The following SPATA13 variants were observed in gnomAD, a reference collection of about 807,000 sequenced individuals.
The protein encoded by SPATA13 is spermatogenesis associated 13, also known as spermatogenesis-associated protein 13.
Under a neutral mutation model 104.0 loss-of-function variants are expected in SPATA13, and 50 were observed. The ratio of observed to expected loss-of-function variants is 0.48; its 90% confidence interval spans 0.38 to 0.61. SPATA13 has a LOEUF of 0.61. SPATA13 is among the 20% of genes least tolerant of loss of function. The probability of loss-of-function intolerance (pLI) is 0.00; values close to 1 mark genes in which losing one functional copy is unlikely to be tolerated. For missense variants in SPATA13, 1,524 were observed against 1,690.6 expected (o/e 0.90, Z 1.73); for synonymous variants, 606 against 667.5 (o/e 0.91, Z 1.42).
At chr13:23,995,038 A>G (rs1021501130) in intron 2 of SPATA13, among the ~76,000 whole-genome samples, 1 of 152,132 alleles carries the variant, frequency 6.6e-6, no homozygotes, top group African/African-American at 2.4e-5. Context: ...CCTGACGTCT[A>G]GTGGGTAGAG....
intron 3 of SPATA13, among the ~76,000 whole-genome samples, chr13:24,117,312 CA>C (rs1345189388): frequency 6.6e-6 from 1 of 152,090 alleles, no homozygotes; most frequent in Non-Finnish European, 1.5e-5. Flanking sequence ...AATTAGCCGT[CA>C]CTGATTGGGC....
chr13:24,251,502 T>C, intron 3 of SPATA13: 1 of 985,462 alleles, frequency 1.0e-6, no homozygotes, highest in Non-Finnish European at 1.2e-6. Flanking sequence ...AACATGAGGC[T>C]GCAGGGTGCG....
chr13:24,192,729 G>T (rs1869833384), intron 1 of SPATA13, among the ~76,000 whole-genome samples: 2 of 152,128 alleles, frequency 1.3e-5, no homozygotes, highest in African/African-American at 4.8e-5. Context: ...GGCTGTTGGA[G>T]AAGCAGAGAG....
At chr13:24,247,791 ACTT>A (rs1232337194) in intron 2 of SPATA13, among the ~76,000 whole-genome samples, 1 of 151,936 alleles carries the variant, frequency 6.6e-6, no homozygotes, top group Non-Finnish European at 1.5e-5. Context: ...CTCTGCATCC[ACTT>A]CTTCATGGCA....
intron 4 of SPATA13, chr13:24,272,653 C>A (rs1566183837): frequency 2.0e-5 from 3 of 152,154 alleles, no homozygotes; most frequent in Admixed American, 1.3e-4. Context: ...GCTGTCCTGT[C>A]CTGTTCTCCT....
intron 2 of SPATA13, among the ~76,000 whole-genome samples, chr13:24,016,561 A>G (rs1383232067): frequency 6.6e-6 from 1 of 152,094 alleles, no homozygotes; most frequent in Admixed American, 6.5e-5. Flanking sequence ...CGCTGGGTTC[A>G]CCTTGACCTC....
intron 3 of SPATA13, among the ~76,000 whole-genome samples, chr13:24,067,477 G>A (rs945841120): frequency 3.3e-5 from 5 of 152,058 alleles, no homozygotes; most frequent in South Asian, 2.1e-4. Context: ...CCAAGCCCAC[G>A]TTTTTGTATA....
At chr13:24,085,448 A>C (rs1879686265) in intron 3 of SPATA13, among the ~76,000 whole-genome samples, 1 of 152,144 alleles carries the variant, frequency 6.6e-6, no homozygotes, top group African/African-American at 2.4e-5. Flanking sequence ...TTTAATAAGC[A>C]ACATTGGCCA....
chr13:24,222,748 C>T lies in SPATA13; in HGVS notation c.-111-71C>T, dbSNP rs570074723. 5 of 1,359,010 alleles carry T rather than the reference C, an allele frequency of 3.7e-6. No individual in the cohort carries two copies. In the African/African-American group the frequency reaches 7.3e-5, roughly 20 times the overall value. The allele number at this position is 1,359,010 out of a possible 1,614,324, so 84.2% of individuals were successfully genotyped here. A position where few individuals can be genotyped will look rare whatever the true frequency, so the allele number is the denominator to read the frequency against. On this transcript the variant is annotated intron_variant, in intron 1 of 12. Coordinates refer to ENST00000382108, the MANE Select transcript of SPATA13 (RefSeq NM_001166271.3). Reference sequence around the variant, plus strand: ...TGACCAGCCCTGTGCTGGAGCGTGCCTCTTCTTCTGTGAGCAGAGGGGCTA... The same window carrying T: ...TGACCAGCCCTGTGCTGGAGCGTGCTTCTTCTTCTGTGAGCAGAGGGGCTA...
chr13:23,988,558 A>C (rs755859609), intron 2 of SPATA13, among the ~76,000 whole-genome samples: 1 of 152,228 alleles, frequency 6.6e-6, no homozygotes, highest in Non-Finnish European at 1.5e-5. Context: ...TTTTGGGCAC[A>C]TTAAATTTTG....
chr13:24,138,200 G>C (rs904863788), intron 3 of SPATA13, among the ~76,000 whole-genome samples: 3 of 151,690 alleles, frequency 2.0e-5, no homozygotes, highest in South Asian at 2.1e-4. Context: ...CCAGCTACTC[G>C]GGAGGCTGAG....
chr13:24,113,359 T>A (rs1388702855), intron 3 of SPATA13, among the ~76,000 whole-genome samples: 1 of 152,130 alleles, frequency 6.6e-6, no homozygotes, highest in East Asian at 1.9e-4. Flanking sequence ...TCCCAGCACT[T>A]TGGGAGGCCA....
chr13:24,283,531 C>G (rs1446764658), intron 4 of SPATA13, among the ~76,000 whole-genome samples: 1 of 152,200 alleles, frequency 6.6e-6, no homozygotes, highest in Non-Finnish European at 1.5e-5. Flanking sequence ...ATCTGACTAG[C>G]AGGGTGGCCA....
rs1876359183 is a variant in SPATA13, at chr13:24,291,696, T to C, written c.3080+812T>C. 2.6e-5 allele frequency among the ~76,000 whole-genome samples: 4 copies of C among 152,276 alleles called. No individual in the cohort carries two copies. The South Asian group carries it at 8.3e-4, about 32-fold the overall frequency. Reference sequence around the variant, plus strand: ...CACTTCTGTTGTTTGGATCTCGGCTTCTCCTGAACAACAAGCAACAAAATA... The same window carrying C: ...CACTTCTGTTGTTTGGATCTCGGCTCCTCCTGAACAACAAGCAACAAAATA... On this transcript the variant is annotated intron_variant, in intron 9 of 12. Transcript: ENST00000382108.
intron 4 of SPATA13, among the ~76,000 whole-genome samples, chr13:24,267,383 T>C (rs1304333371): frequency 6.6e-6 from 1 of 152,208 alleles, no homozygotes; most frequent in Admixed American, 6.5e-5. Flanking sequence ...TATTTTGTTT[T>C]GCCTACACAA....
chr13:24,274,844 G>A (rs1593484915), intron 4 of SPATA13, among the ~76,000 whole-genome samples: 1 of 152,206 alleles, frequency 6.6e-6, no homozygotes, highest in Non-Finnish European at 1.5e-5. Flanking sequence ...GATGCTGGTC[G>A]GGAACCAGCT....
At chr13:24,079,765 C>T (rs1258469793) in intron 3 of SPATA13, among the ~76,000 whole-genome samples, 5 of 152,128 alleles carry the variant, frequency 3.3e-5, no homozygotes, top group Non-Finnish European at 7.3e-5. Flanking sequence ...TACATTAGGT[C>T]TCTGGACTCA....
chr13:24,247,943 G>A (rs1033823795), intron 2 of SPATA13, among the ~76,000 whole-genome samples: 1 of 152,054 alleles, frequency 6.6e-6, no homozygotes, highest in African/African-American at 2.4e-5. Context: ...GAGCCGGTGG[G>A]CTGCGGCACA....
At chr13:24,186,879 GTGAATTTATTAAGAAGTT>G (rs1175923127) in intron 1 of SPATA13, among the ~76,000 whole-genome samples, 1 of 152,166 alleles carries the variant, frequency 6.6e-6, no homozygotes, top group Non-Finnish European at 1.5e-5. Context: ...ATTCCAATTG[GTGAATTTATTAAGAAGTT>G]GATTTCATTT....
Sources: allele counts gnomAD v4.1 joint callset (sites outside exome capture counted in the v4.1 genomes callset), GRCh38; gene constraint gnomAD v4.1.1; transcripts MANE v1.5; gene names NCBI Gene and HGNC (gene_info 2026-07-23, HGNC 2026-07-21).